The following ADAMTS14 variants were observed in gnomAD, a reference collection of about 807,000 sequenced individuals.
ADAMTS14 encodes ADAM metallopeptidase with thrombospondin type 1 motif 14.
A neutral mutation model predicts 128.6 loss-of-function variants in ADAMTS14; 100 were observed. The observed-to-expected ratio is 0.78, with a 90% CI of 0.66 to 0.92. The LOEUF is 0.92. ADAMTS14 is among the 40% of genes least tolerant of loss of function. The pLI, the probability that ADAMTS14 is intolerant of heterozygous loss-of-function variation, is 0.00. For missense variants in ADAMTS14, 1,562 were observed against 1,658.6 expected (o/e 0.94, Z 1.01); for synonymous variants, 665 against 653.8 (o/e 1.02, Z -0.26).
chr10:70,685,675 C>A (rs911678110), intron 2 of ADAMTS14, among the ~76,000 whole-genome samples: 2 of 152,156 alleles, frequency 1.3e-5, no homozygotes, highest in African/African-American at 4.8e-5. Flanking sequence ...TCTCGCAGTT[C>A]CAGGCAGCCT....
In ADAMTS14 at chr10:70,738,940, G is replaced by A. The variant is rs988164690; in HGVS notation, c.1698G>A (p.Arg566=). Residue 566 remains arginine (R), a synonymous_variant, in exon 11 of 22, where the codon CGG becomes CGA. Coordinates refer to ENST00000373207, the MANE Select transcript of ADAMTS14 (RefSeq NM_080722.4). ...GGACCAAGTTTGGGTCATGTTCGCG[G>A]TCATGTGGGGGCGGGGTGCGATCCC... ...SSWTKFGSCS[R]SCGGGVRSRS... 6.2e-7 allele frequency: 1 copy of A among 1,613,968 alleles called. No homozygotes were observed. The highest frequency in any genetic ancestry group is 1.3e-5 in the African/African-American group (1 of 75,044).
intron 15 of ADAMTS14, 53 bp downstream of exon 15, chr10:70,745,359 G>T: frequency 6.3e-7 from 1 of 1,589,474 alleles, no homozygotes; most frequent in South Asian, 1.1e-5. Flanking sequence ...CCTGCCCTCT[G>T]ACTTGGGGGA....
intron 8 of ADAMTS14, among the ~76,000 whole-genome samples, chr10:70,734,785 G>A (rs1841772375): frequency 6.6e-6 from 1 of 152,208 alleles, no homozygotes; most frequent in Admixed American, 6.5e-5. Flanking sequence ...ATCTTGCATG[G>A]TAGGCTTTTC....
Position 70,743,651 on chromosome 10 carries a change from A to G in ADAMTS14, c.2028A>G (p.Pro676=), listed in dbSNP as rs756589684. ...GGACACGCTGCAGCTACCGGGACCC[A>G]TACAGCGTCTGTGCGCGTGGCGAGT... is the stretch of plus-strand genomic sequence containing the variant. The part of the protein sequence containing the change: ...HDGTRCSYRD[P]YSVCARGECV... Residue 676 remains proline (P), a synonymous_variant, in exon 13 of 22, where the codon CCA becomes CCG. Coordinates refer to ENST00000373207, the MANE Select transcript of ADAMTS14 (RefSeq NM_080722.4). 3.7e-6 allele frequency: 6 copies of G among 1,608,636 alleles called. No individual in the cohort carries two copies. In the Admixed American group the frequency reaches 1.0e-4, roughly 27 times the overall value.
intron 18 of ADAMTS14, among the ~76,000 whole-genome samples, chr10:70,753,476 G>A (rs540722762): frequency 2.6e-5 from 4 of 152,220 alleles, no homozygotes; most frequent in Admixed American, 6.5e-5. Flanking sequence ...ATATGTATGC[G>A]GCTTTGAAGT....
intron 2 of ADAMTS14, among the ~76,000 whole-genome samples, chr10:70,687,216 G>C (rs2132551141): frequency 9.7e-6 from 1 of 102,598 alleles, no homozygotes; most frequent in African/African-American, 3.3e-5. Flanking sequence ...TCCCGGACGG[G>C]GCGGCTGGCT....
chr10:70,737,604 C>T lies in ADAMTS14; in HGVS notation c.1599+811C>T, dbSNP rs377754619. Among the ~76,000 whole-genome samples, 13 of 152,348 alleles carry T rather than the reference C, an allele frequency of 8.5e-5. No individual in the cohort carries two copies. The East Asian group carries it at 1.2e-3, about 14-fold the overall frequency. On this transcript the variant is annotated intron_variant, in intron 10 of 21. Coordinates refer to ENST00000373207, the MANE Select transcript of ADAMTS14 (RefSeq NM_080722.4). ...CCTAGCCAGGCTCCTCCTATTCACA[C>T]CTGTCCTGCTGAGCAGCTCTGGGGC... is the stretch of plus-strand genomic sequence containing the variant.
Position 70,708,793 on chromosome 10 carries a change from G to A in ADAMTS14, c.870+15G>A. On this transcript the variant is annotated intron_variant, in intron 4 of 21. Transcript: ENST00000373207. ...TCATGAATATCGTGAGTGTCCATGT[G>A]TCCTAGGACTTGGGGGGAGTGGGGT... The A allele has an allele frequency of 7.3e-7, 1 of 1,369,976 alleles. No individual in the cohort carries two copies. Among genetic ancestry groups the A allele is most frequent in the Non-Finnish European group, 9.9e-7 (1 of 1,012,724 alleles). 84.9% of individuals were successfully genotyped at this position (1,369,976 alleles called of 1,614,324 possible). A position where few individuals can be genotyped will look rare whatever the true frequency, so the allele number is the denominator to read the frequency against.
chr10:70,683,837 CTG>C (rs1839882872), intron 2 of ADAMTS14, among the ~76,000 whole-genome samples: 1 of 152,132 alleles, frequency 6.6e-6, no homozygotes, highest in African/African-American at 2.4e-5. Context: ...TCAGTTCTCT[CTG>C]TGGCCAGTTA....
In ADAMTS14 at chr10:70,734,546, T is replaced by A. The variant is rs556368687; in HGVS notation, c.1352+518T>A. On this transcript the variant is annotated intron_variant, in intron 8 of 21. Coordinates refer to ENST00000373207, the MANE Select transcript of ADAMTS14 (RefSeq NM_080722.4). ...GAAATGGGCATGCTGAGGAGGGAGC[T>A]CCTCCTCTCCCCACTCCCATCCTTG... Among the ~76,000 whole-genome samples the A allele has an allele frequency of 2.0e-5, 3 of 152,060 alleles. No homozygotes were observed. In the South Asian group the frequency reaches 6.2e-4, roughly 32 times the overall value.
At chr10:70,689,593 C>G (rs1443401096) in intron 2 of ADAMTS14, among the ~76,000 whole-genome samples, 1 of 145,550 alleles carries the variant, frequency 6.9e-6, no homozygotes, top group African/African-American at 2.4e-5. Context: ...AAAAGGGAAA[C>G]CAACACAGCA....
At chr10:70,707,144 C>T (rs546022833) in intron 3 of ADAMTS14, among the ~76,000 whole-genome samples, 9 of 152,192 alleles carry the variant, frequency 5.9e-5, no homozygotes, top group African/African-American at 9.7e-5. Context: ...CTTTGATATT[C>T]CTGTATTGTT....
At chr10:70,705,329 C>T (rs1459522871) in intron 3 of ADAMTS14, among the ~76,000 whole-genome samples, 1 of 152,196 alleles carries the variant, frequency 6.6e-6, no homozygotes. Context: ...CCGTTCCCAC[C>T]CCCAGTTCCC....
At position 70,703,664 on chromosome 10, in the gene ADAMTS14, A is replaced by G. The variant is rs931582555; in HGVS notation, c.679+1196A>G. Reference sequence around the variant, plus strand: ...GGACGATTCTGAATCCAAAGACCATAAGGTCCCCTCTTTTAGGAAGAGACG... The same window carrying G: ...GGACGATTCTGAATCCAAAGACCATGAGGTCCCCTCTTTTAGGAAGAGACG... On this transcript the variant is annotated intron_variant, in intron 3 of 21. Transcript: ENST00000373207. 2.0e-5 allele frequency among the ~76,000 whole-genome samples: 3 copies of G among 152,192 alleles called. No homozygotes were observed. The South Asian group carries it at 6.2e-4, about 32-fold the overall frequency.
chr10:70,692,914 A>G (rs1840231476), intron 2 of ADAMTS14, among the ~76,000 whole-genome samples: 1 of 152,044 alleles, frequency 6.6e-6, no homozygotes, highest in Non-Finnish European at 1.5e-5. Flanking sequence ...TTATGTTGCT[A>G]TAAGGAAATA....
At position 70,751,473 on chromosome 10, in the gene ADAMTS14, C is replaced by G. The variant is rs774736680; in HGVS notation, c.2428-5C>G. 1.0e-5 allele frequency: 16 copies of G among 1,599,922 alleles called. No homozygotes were observed. The highest frequency in any genetic ancestry group is 1.7e-5 in the Admixed American group (1 of 59,800). ...GTCCTGTGCCAGCTCCCCATCTCCC[C>G]TCAGGCTCTCCCCCCAACTGAGGGT... On this transcript the variant is annotated splice_polypyrimidine_tract_variant and splice_region_variant and intron_variant, in intron 16 of 21. Coordinates refer to ENST00000373207, the MANE Select transcript of ADAMTS14 (RefSeq NM_080722.4).
intron 2 of ADAMTS14, 114 bp from the exon 3 acceptor site, chr10:70,702,198 C>G (rs1454395466): frequency 6.9e-7 from 1 of 1,455,328 alleles, no homozygotes; most frequent in Non-Finnish European, 9.3e-7. Flanking sequence ...GGAGGAAGAG[C>G]CTGCAAGCAT....
At chr10:70,711,872 A>C (rs989494942) in intron 4 of ADAMTS14, among the ~76,000 whole-genome samples, 11 of 152,168 alleles carry the variant, frequency 7.2e-5, no homozygotes, top group African/African-American at 2.7e-4. Context: ...TGCAGTGTCA[A>C]TATCAATAAA....
At chr10:70,719,853 C>T (rs758789363) in intron 4 of ADAMTS14, among the ~76,000 whole-genome samples, 4 of 152,236 alleles carry the variant, frequency 2.6e-5, no homozygotes, top group Admixed American at 2.0e-4. Flanking sequence ...TGAGCAGGGT[C>T]GAGCTCCAAG....
Sources: gnomAD v4.1 joint callset for allele counts (sites outside exome capture counted in the v4.1 genomes callset) on GRCh38, gnomAD v4.1.1 for gene constraint, MANE v1.5 for transcripts, NCBI Gene and HGNC (gene_info 2026-07-23, HGNC 2026-07-21) for gene names.